Variants in DUS3L observed in about 807,000 individuals in gnomAD.
The protein encoded by DUS3L is dihydrouridine synthase 3 like.
A neutral mutation model predicts 74.6 loss-of-function variants in DUS3L; 62 were observed. That is an observed-to-expected ratio of 0.83 (90% CI 0.68 to 1.03). The LOEUF (loss-of-function observed/expected upper bound fraction) is 1.03. Ranked by LOEUF, DUS3L falls within the 50% of genes least tolerant of loss-of-function variation. The pLI, the probability that DUS3L is intolerant of heterozygous loss-of-function variation, is 0.00. For synonymous variants in DUS3L, 433 were observed against 395.7 expected (o/e 1.09, Z -1.12); for missense variants, 884 against 924.4 (o/e 0.96, Z 0.57).
rs796945326 is a variant in DUS3L, at chr19:5,787,204, G to GGTGGGAGGTGGTGGGAGACA, written c.1279-34_1279-33insTGTCTCCCACCACCTCCCAC. ...ACGGTGGTGGGAGGTGGTGGGAGATGGTGGGAGGTGGTGGGAGACGGTGGG... is the reference window on the plus strand; with the variant it reads ...ACGGTGGTGGGAGGTGGTGGGAGATGGTGGGAGGTGGTGGGAGACAGTGGGAGGTGGTGGGAGACGGTGGG... On this transcript the variant is annotated intron_variant, in intron 7 of 12. Transcript: ENST00000309061. The GGTGGGAGGTGGTGGGAGACA allele has an allele frequency of 3.8e-5, 9 of 234,790 alleles. No homozygotes were observed. The African/African-American group carries it at 4.6e-4, about 12-fold the overall frequency. The allele number at this position is 234,790 out of a possible 1,614,324, so 14.5% of individuals were successfully genotyped here.
intron 1 of DUS3L, 163 bp downstream of exon 1, chr19:5,790,881 G>T: frequency 1.5e-6 from 1 of 677,862 alleles, no homozygotes; most frequent in Non-Finnish European, 2.5e-6. Context: ...CACGATCTCA[G>T]GTACCTCCGC....
In DUS3L at chr19:5,785,526, C is replaced by T. The variant is rs3745641; in HGVS notation, c.1752-15G>A. 6.5e-4 allele frequency: 993 copies of T among 1,516,664 alleles called. 9 individuals are homozygous for T. The East Asian group carries it at 0.014, about 21-fold the overall frequency. 94.0% of individuals were successfully genotyped at this position (1,516,664 alleles called of 1,614,324 possible). A position where few individuals can be genotyped will look rare whatever the true frequency, so the allele number is the denominator to read the frequency against. ...CGGGCACGTACCTGCGGCGGGTGGG[C>T]GGGCAGGACAGGCTTGAGTCAGCTC... On this transcript the variant is annotated splice_polypyrimidine_tract_variant and intron_variant, in intron 11 of 12. Coordinates refer to ENST00000309061, the MANE Select transcript of DUS3L (RefSeq NM_020175.3).
rs948344702 is a variant in DUS3L at position 5,785,248 on chromosome 19, G to T, written c.1908C>A (p.Pro636=). The T allele has an allele frequency of 6.2e-7, 1 of 1,610,592 alleles. No individual in the cohort carries two copies. Among genetic ancestry groups the T allele is most frequent in the Admixed American group, 1.7e-5 (1 of 59,666 alleles). Residue 636 remains proline (P), a synonymous_variant, in exon 13 of 13, where the codon CCC becomes CCA. Coordinates refer to ENST00000309061, the MANE Select transcript of DUS3L (RefSeq NM_020175.3). The stretch of plus-strand genomic sequence containing the variant: ...TGTGCTTCGGCAAGAAGGCGAAGCT[G>T]GGGGGCACTGGCCCAAGGAGCATCT... The part of the protein sequence containing the change: ...ISEMLLGPVP[P]SFAFLPKHKA...
Position 5,787,658 on chromosome 19 carries a change from C to T in DUS3L, c.1143G>A (p.Leu381=), listed in dbSNP as rs935753621. The T allele has an allele frequency of 6.2e-7, 1 of 1,613,890 alleles. No homozygotes were observed. Among genetic ancestry groups the T allele is most frequent in the Non-Finnish European group, 8.5e-7 (1 of 1,179,988 alleles). The change falls in exon 6 of 13, where the codon CTG becomes CTA. Residue 381 remains leucine, a synonymous_variant. Transcript: ENST00000309061. ...CAAAGTCCACCTCCACGGTGCGGCT[C>T]AGCAGCTCGGCACACTTGGTCATGG... The part of the protein sequence containing the change: ...PDTMTKCAEL[L]SRTVEVDFVD...
chr19:5,787,533 G>A, intron 6 of DUS3L, 56 bp downstream of exon 6: 1 of 1,586,498 alleles, frequency 6.3e-7, no homozygotes, highest in South Asian at 1.1e-5. Context: ...TCGCCGGCTG[G>A]GTCAGTGCCT....
intron 3 of DUS3L, among the ~76,000 whole-genome samples, chr19:5,788,677 C>T (rs184697015): frequency 8.4e-4 from 128 of 152,058 alleles, no homozygotes; most frequent in Middle Eastern, 3.4e-3. Context: ...CCGACCCTGA[C>T]CCTCTGAGAC....
At chr19:5,786,986 G>A in intron 8 of DUS3L, 75 bp downstream of exon 8, 1 of 1,488,290 alleles carries the variant, frequency 6.7e-7, no homozygotes, top group Non-Finnish European at 8.9e-7. Context: ...GGGAGGGATG[G>A]GAGGAGAGGA....
At position 5,785,249 on chromosome 19, in the gene DUS3L, G is replaced by T; in HGVS notation, c.1907C>A (p.Pro636His). 6.2e-7 allele frequency: 1 copy of T among 1,610,750 alleles called. No individual in the cohort carries two copies. Among genetic ancestry groups the T allele is most frequent in the Non-Finnish European group, 8.5e-7 (1 of 1,179,192 alleles). The stretch of plus-strand genomic sequence containing the variant: ...GTGCTTCGGCAAGAAGGCGAAGCTG[G>T]GGGGCACTGGCCCAAGGAGCATCTC... ...ISEMLLGPVP[P>H]SFAFLPKHKA... is the part of the protein sequence containing the mutation. The change falls in exon 13 of 13, where the codon CCC becomes CAC. Residue 636 changes from proline (P) to histidine (H), a missense_variant. Transcript: ENST00000309061.
In DUS3L at chr19:5,787,687, C is replaced by T. The variant is rs778525638; in HGVS notation, c.1114G>A (p.Asp372Asn). ...AGCTCGGCACACTTGGTCATGGTGT[C>T]GGGGAAGGCGCCCTCCAGCTGTAGG... Reference protein sequence around the residue: ...FGVQLEGAFPDTMTKCAELLS... With the variant: ...FGVQLEGAFPNTMTKCAELLS... Residue 372 changes from aspartate to asparagine, a missense_variant, in exon 6 of 13, where the codon GAC becomes AAC. Physicochemically the swap from Asp to Asn is conservative, Grantham distance 23. Transcript: ENST00000309061. The T allele has an allele frequency of 1.9e-5, 31 of 1,613,406 alleles. 1 individual carries two copies. The highest frequency in any genetic ancestry group is 1.9e-4 in the South Asian group (17 of 91,090).
At chr19:5,785,933 A>C in intron 10 of DUS3L, 142 bp from the exon 11 acceptor site, 2 of 842,524 alleles carry the variant, frequency 2.4e-6, no homozygotes, top group Non-Finnish European at 3.5e-6. Context: ...CATGCACACA[A>C]CCTTCAAAGC....
chr19:5,789,287 G>A lies in DUS3L; in HGVS notation c.820C>T (p.Pro274Ser), dbSNP rs2056885256. The change falls in exon 3 of 13, where the codon CCT becomes TCT. Residue 274 changes from proline (P) to serine (S), a missense_variant. Coordinates refer to ENST00000309061, the MANE Select transcript of DUS3L (RefSeq NM_020175.3). ...CAGGTCCGCACGGGGCTGCTGGGAG[G>A]GGTGCTAGTGCCCGGCCCTGCGGGG... ...QVPAGPGTST[P>S]PSSPVRTCGP... 1.3e-6 allele frequency: 2 copies of A among 1,597,444 alleles called. No homozygotes were observed. Among genetic ancestry groups the A allele is most frequent in the Non-Finnish European group, 1.7e-6 (2 of 1,172,702 alleles).
In DUS3L at chr19:5,787,082, G is replaced by T; in HGVS notation, c.1368C>A (p.Asp456Glu). 1 of 1,549,094 alleles carries T rather than the reference G, an allele frequency of 6.5e-7. No homozygotes were observed. The highest frequency in any genetic ancestry group is 8.7e-7 in the Non-Finnish European group (1 of 1,153,988). ...LAHRLLPELR[D>E]WGVALVTLHG... Reference sequence around the variant, plus strand: ...CCACCGTGACGAGTGCCACGCCCCAGTCCCGCAGCTCGGGCAGCAGGCGGT... The same window carrying T: ...CCACCGTGACGAGTGCCACGCCCCATTCCCGCAGCTCGGGCAGCAGGCGGT... The change falls in exon 8 of 13, where the codon GAC becomes GAA. Residue 456 changes from aspartate (D) to glutamate (E), a missense_variant. Physicochemically the swap from Asp to Glu is conservative, Grantham distance 45. Transcript: ENST00000309061.
At position 5,789,229 on chromosome 19, in the gene DUS3L, A is replaced by C; in HGVS notation, c.878T>G (p.Leu293Arg). The change falls in exon 3 of 13, where the codon CTG becomes CGG. Residue 293 changes from leucine (L) to arginine (R), a missense_variant. By Grantham distance (102) the Leu-to-Arg change is moderately radical (BLOSUM62 -2). Transcript: ENST00000309061. ...GPLTDEDVVR[L>R]RPCEKKRLDI... ...TACCCGCTTCTTCTCACAGGGCCGC[A>C]GCCTGACCACGTCCTCATCCGTCAG... The C allele has an allele frequency of 6.4e-7, 1 of 1,554,498 alleles. No individual in the cohort carries two copies. The highest frequency in any genetic ancestry group is 8.7e-7 in the Non-Finnish European group (1 of 1,154,010).
rs550488359 is a variant in DUS3L at position 5,785,703 on chromosome 19, G to A, written c.1651C>T (p.Arg551Trp). The change falls in exon 11 of 13, where the codon CGG becomes TGG. Residue 551 changes from arginine to tryptophan, a missense_variant. By Grantham distance (101) the Arg-to-Trp change is moderately radical. Transcript: ENST00000309061. ...ISSSERLDIL[R>W]DFTNYGLEHW... ...TCCAGGCCGTAGTTGGTGAAGTCCC[G>A]CAGGATGTCCAGGCGCTCGGACGAC... 8.1e-6 allele frequency: 13 copies of A among 1,612,272 alleles called. No homozygotes were observed. The highest frequency in any genetic ancestry group is 3.3e-5 in the South Asian group (3 of 91,010).
rs528217630 is a variant in DUS3L, at chr19:5,785,502, G to T, written c.1761C>A (p.Pro587=). 1.3e-6 allele frequency: 2 copies of T among 1,565,844 alleles called. No homozygotes were observed. Among genetic ancestry groups the T allele is most frequent in the African/African-American group, 2.7e-5 (2 of 73,854 alleles). ...EWLSFLCRYV[P]VGLLERLPQR... ...GTGGGAGCCGCTCCAGCAGCCCCAC[G>T]GGCACGTACCTGCGGCGGGTGGGCG... is the stretch of plus-strand genomic sequence containing the variant. The change falls in exon 12 of 13, where the codon CCC becomes CCA. Residue 587 remains proline (P), a synonymous_variant. Transcript: ENST00000309061.
intron 10 of DUS3L, 99 bp from the exon 11 acceptor site, chr19:5,785,890 C>G: frequency 1.5e-6 from 2 of 1,313,544 alleles, no homozygotes; most frequent in Non-Finnish European, 2.0e-6. Flanking sequence ...GCCCAGACCA[C>G]AAAACCTACA....
Position 5,785,669 on chromosome 19 carries a change from C to A in DUS3L, c.1685G>T (p.Gly562Val). Reference sequence around the variant, plus strand: ...CTTCTCCACGCCCTGCGTGTCCGAGCCCCAGTGCTCCAGGCCGTAGTTGGT... The same window carrying A: ...CTTCTCCACGCCCTGCGTGTCCGAGACCCAGTGCTCCAGGCCGTAGTTGGT... ...DFTNYGLEHWGSDTQGVEKTR... is the reference protein window; with the variant it reads ...DFTNYGLEHWVSDTQGVEKTR... Residue 562 changes from glycine to valine, a missense_variant, in exon 11 of 13, where the codon GGC (glycine) becomes GTC (valine). Coordinates refer to ENST00000309061, the MANE Select transcript of DUS3L (RefSeq NM_020175.3). 6.2e-7 allele frequency: 1 copy of A among 1,612,638 alleles called. No homozygotes were observed. The highest frequency in any genetic ancestry group is 8.5e-7 in the Non-Finnish European group (1 of 1,179,858).
chr19:5,787,649 G>A lies in DUS3L; in HGVS notation c.1152C>T (p.Thr384=), dbSNP rs765256020. ...MTKCAELLSR[T]VEVDFVDINV... ...TGATGTCCACAAAGTCCACCTCCAC[G>A]GTGCGGCTCAGCAGCTCGGCACACT... Residue 384 remains threonine (T), a synonymous_variant, in exon 6 of 13, where the codon ACC becomes ACT. Transcript: ENST00000309061. 54 of 1,613,704 alleles carry A rather than the reference G, an allele frequency of 3.3e-5. No homozygotes were observed. In the African/African-American group the frequency reaches 5.5e-4, roughly 16 times the overall value.
At chr19:5,789,058 C>A (rs1418771765) in intron 3 of DUS3L, 149 bp downstream of exon 3, 6 of 1,216,190 alleles carry the variant, frequency 4.9e-6, no homozygotes, top group Non-Finnish European at 6.6e-6. Flanking sequence ...CAGGACAGAG[C>A]ACAGAGAGGG....
Sources: gnomAD v4.1 joint callset for allele counts (sites outside exome capture counted in the v4.1 genomes callset) on GRCh38, gnomAD v4.1.1 for gene constraint, MANE v1.5 for transcripts, NCBI Gene and HGNC (gene_info 2026-07-23, HGNC 2026-07-21) for gene names.